The following ZMYM2 variants were observed in gnomAD, a reference collection of about 807,000 sequenced individuals.
The protein encoded by ZMYM2 is zinc finger MYM-type protein 2.
In ZMYM2, 56 loss-of-function variants were observed where a neutral mutation model predicts 162.8. The observed-to-expected ratio is 0.34, with a 90% confidence interval of 0.28 to 0.43. ZMYM2 has a LOEUF of 0.43. Among genes scored for constraint, ZMYM2 ranks in the 20% least tolerant of loss-of-function variants. The pLI is 1.00. For synonymous variants in ZMYM2, 510 were observed against 541.6 expected (o/e 0.94, Z 0.81); for missense variants, 1,275 against 1,621.8 (o/e 0.79, Z 3.67).
At chr13:20,011,141 A>G (rs1951143950) in intron 6 of ZMYM2, among the ~76,000 whole-genome samples, 1 of 152,172 alleles carries the variant, frequency 6.6e-6, no homozygotes, top group South Asian at 2.1e-4. Flanking sequence ...TGTTAACTGT[A>G]TTCATTCTAT....
At chr13:19,964,359 G>C (rs1202500780) in intron 2 of ZMYM2, among the ~76,000 whole-genome samples, 1 of 151,418 alleles carries the variant, frequency 6.6e-6, no homozygotes, top group Admixed American at 6.6e-5. Flanking sequence ...CTGGGCAATA[G>C]AGTGAGAGAC....
intron 12 of ZMYM2, among the ~76,000 whole-genome samples, chr13:20,050,362 G>A (rs1379006605): frequency 2.0e-5 from 3 of 151,974 alleles, no homozygotes; most frequent in East Asian, 3.9e-4. Flanking sequence ...GAAATACAAC[G>A]TGAGAAATTT....
chr13:19,907,380 G>C, the ZMYM2 span, among the ~76,000 whole-genome samples: 1 of 152,134 alleles, frequency 6.6e-6, no homozygotes, highest in Non-Finnish European at 1.5e-5. Context: ...GCTTTGATGT[G>C]TGATGTTGAT....
the ZMYM2 span, among the ~76,000 whole-genome samples, chr13:19,890,599 A>G: frequency 6.7e-6 from 1 of 150,022 alleles, no homozygotes; most frequent in African/African-American, 2.5e-5. Context: ...TGGGTTGATT[A>G]TGTAGTTACT....
chr13:20,063,042 A>T (rs1956347061), intron 18 of ZMYM2, 71 bp downstream of exon 18: 1 of 1,465,706 alleles, frequency 6.8e-7, no homozygotes, highest in South Asian at 1.4e-5. Flanking sequence ...TTACCATTTG[A>T]TGTTTGTGTC....
At chr13:19,964,223 A>G (rs1315138908) in intron 2 of ZMYM2, among the ~76,000 whole-genome samples, 2 of 152,064 alleles carry the variant, frequency 1.3e-5, no homozygotes, top group African/African-American at 4.8e-5. Context: ...CTAAAATACA[A>G]AGATTAGTCA....
chr13:20,036,345 CTA>C, intron 11 of ZMYM2, among the ~76,000 whole-genome samples: 1 of 151,854 alleles, frequency 6.6e-6, no homozygotes, highest in African/African-American at 2.4e-5. Flanking sequence ...TTGAATATCT[CTA>C]TAAATTTACT....
intron 6 of ZMYM2, among the ~76,000 whole-genome samples, chr13:20,013,421 C>T (rs780276429): frequency 6.6e-6 from 1 of 152,068 alleles, no homozygotes; most frequent in African/African-American, 2.4e-5. Context: ...TTTTCCAATT[C>T]GGATGCATTT....
chr13:20,051,882 A>AGTCT (rs1045350426), intron 13 of ZMYM2, among the ~76,000 whole-genome samples: 24 of 152,210 alleles, frequency 1.6e-4, no homozygotes, highest in Non-Finnish European at 3.2e-4. Flanking sequence ...AAGAATAGAC[A>AGTCT]TCTAACTATC....
intron 2 of ZMYM2, among the ~76,000 whole-genome samples, chr13:19,965,500 A>C (rs1157944386): frequency 1.3e-5 from 2 of 152,210 alleles, no homozygotes; most frequent in East Asian, 3.8e-4. Flanking sequence ...AACACCTGTT[A>C]TATATTAGAT....
chr13:20,048,296 T>A (rs3969470), intron 12 of ZMYM2, among the ~76,000 whole-genome samples: 126,790 of 151,328 alleles, frequency 0.84, 54,098 homozygotes, highest in Non-Finnish European at 0.92. Context: ...CCATTTTTTT[T>A]AAAATTTTTT....
chr13:20,006,577 A>G lies in ZMYM2; in HGVS notation c.1503A>G (p.Glu501=). 1 of 1,613,824 alleles carries G rather than the reference A, an allele frequency of 6.2e-7. No individual in the cohort carries two copies. The highest frequency in any genetic ancestry group is 8.5e-7 in the Non-Finnish European group (1 of 1,179,796). ...KRFCCQSCVS[E]YKQVGSHPSF... is the part of the protein sequence containing the mutation. Reference sequence around the variant, plus strand: ...TTTGCTGTCAAAGTTGTGTCAGTGAATACAAACAGGTAATTCATGTTCTAA... The same window carrying G: ...TTTGCTGTCAAAGTTGTGTCAGTGAGTACAAACAGGTAATTCATGTTCTAA... The change falls in exon 6 of 25, where the codon GAA becomes GAG. Residue 501 remains glutamate (E), a synonymous_variant. Transcript: ENST00000610343.
chr13:19,932,068 A>G, the ZMYM2 span, among the ~76,000 whole-genome samples: 2 of 152,250 alleles, frequency 1.3e-5, no homozygotes, highest in East Asian at 1.9e-4. Flanking sequence ...TTTAGACTCT[A>G]TTAAGAATTC....
intron 2 of ZMYM2, among the ~76,000 whole-genome samples, chr13:19,988,805 A>T (rs376354235): frequency 1.8e-4 from 28 of 152,188 alleles, no homozygotes; most frequent in African/African-American, 6.3e-4. Context: ...AGACAAATTA[A>T]TGATTCATTA....
intron 6 of ZMYM2, among the ~76,000 whole-genome samples, chr13:20,014,762 G>GT (rs71070286): frequency 0.46 from 42,723 of 92,760 alleles, 9,551 homozygotes; most frequent in East Asian, 0.72. Flanking sequence ...TTTACTTTAG[G>GT]TTTTTTTTTT....
intron 2 of ZMYM2, among the ~76,000 whole-genome samples, chr13:19,981,781 A>G (rs1048702657): frequency 6.6e-6 from 1 of 151,784 alleles, no homozygotes; most frequent in East Asian, 1.9e-4. Flanking sequence ...TTTTCATCCC[A>G]TTTGTTTTCA....
chr13:19,980,090 A>G (rs1272568119), intron 2 of ZMYM2, among the ~76,000 whole-genome samples: 3 of 151,762 alleles, frequency 2.0e-5, no homozygotes. Flanking sequence ...CTTGTAATTT[A>G]TTTTTACATT....
intron 9 of ZMYM2, among the ~76,000 whole-genome samples, chr13:20,029,368 C>T (rs1261404459): frequency 3.3e-5 from 5 of 152,200 alleles, no homozygotes; most frequent in Non-Finnish European, 5.9e-5. Flanking sequence ...ATACTGTCAC[C>T]TTGGGGTTTA....
At chr13:19,944,232 T>C in the ZMYM2 span, among the ~76,000 whole-genome samples, 1 of 152,106 alleles carries the variant, frequency 6.6e-6, no homozygotes, top group African/African-American at 2.4e-5. Flanking sequence ...ATAAAATAAT[T>C]CTAAAAAGGT....
Sources: gnomAD v4.1 joint callset for allele counts (sites outside exome capture counted in the v4.1 genomes callset) on GRCh38, gnomAD v4.1.1 for gene constraint, MANE v1.5 for transcripts, NCBI Gene and HGNC (gene_info 2026-07-23, HGNC 2026-07-21) for gene names.